RAD54L2: variants seen among roughly 807,000 people sequenced by gnomAD.
RAD54L2 encodes helicase ARIP4.
In RAD54L2, 27 loss-of-function variants were observed where a neutral mutation model predicts 138.4. The observed-to-expected ratio is 0.20, with a 90% CI of 0.14 to 0.27. RAD54L2 has a LOEUF of 0.27. Among genes scored for constraint, RAD54L2 ranks in the 10% least tolerant of loss-of-function variants. RAD54L2 has a pLI of 1.00. For missense variants in RAD54L2, 1,396 were observed against 1,890.2 expected (o/e 0.74, Z 4.85); for synonymous variants, 644 against 723.2 (o/e 0.89, Z 1.76).
chr3:51,626,436 C>CTTTTTTTTTTTTTTT lies in RAD54L2; in HGVS notation c.140-1105_140-1091dup, dbSNP rs768354274. On this transcript the variant is annotated intron_variant, in intron 3 of 22. Transcript: ENST00000684192. ...TGACATCCCCTGGACCCCCAACGAT[C>CTTTTTTTTTTTTTTT]TTTTTTTTTTTTTTTTTTTTTTTTT... 7.5e-3 allele frequency among the ~76,000 whole-genome samples: 294 copies of CTTTTTTTTTTTTTTT among 39,386 alleles called. 118 individuals carry two copies. Among genetic ancestry groups the CTTTTTTTTTTTTTTT allele is most frequent in the Admixed American group, 9.0e-3 (18 of 1,994 alleles). 25.8% of individuals were successfully genotyped at this position (39,386 alleles called of 152,430 possible). A position where few individuals can be genotyped will look rare whatever the true frequency, so the allele number is the denominator to read the frequency against.
At chr3:51,625,670 C>A (rs1700661102) in intron 3 of RAD54L2, among the ~76,000 whole-genome samples, 1 of 151,706 alleles carries the variant, frequency 6.6e-6, no homozygotes, top group African/African-American at 2.4e-5. Context: ...ACCAGCCTGG[C>A]CAACATATCG....
intron 2 of RAD54L2, among the ~76,000 whole-genome samples, chr3:51,582,766 C>CTTTTTT (rs61245532): frequency 2.0e-5 from 3 of 147,234 alleles, no homozygotes; most frequent in East Asian, 2.0e-4. Flanking sequence ...CCAGGGAAGT[C>CTTTTTT]TTTTTTTTTT....
intron 1 of RAD54L2, among the ~76,000 whole-genome samples, 32 bp downstream of exon 1, chr3:51,538,947 G>A (rs1011909776): frequency 1.1e-4 from 16 of 152,178 alleles, no homozygotes; most frequent in African/African-American, 3.6e-4. Context: ...CTCGCTCCCG[G>A]CCGGGGCCGC....
intron 12 of RAD54L2, 30 bp from the exon 13 acceptor site, chr3:51,639,389 G>A: frequency 1.9e-6 from 3 of 1,607,896 alleles, no homozygotes; most frequent in Non-Finnish European, 2.5e-6. Flanking sequence ...TTTTTGTCCT[G>A]TGTCTCCTCT....
At chr3:51,607,811 G>T (rs1396979466) in intron 3 of RAD54L2, among the ~76,000 whole-genome samples, 1 of 150,052 alleles carries the variant, frequency 6.7e-6, no homozygotes, top group Non-Finnish European at 1.5e-5. Context: ...GGGCAGAGGG[G>T]CTCCTCACCT....
intron 9 of RAD54L2, among the ~76,000 whole-genome samples, chr3:51,634,646 A>G (rs1021068273): frequency 1.3e-5 from 2 of 152,186 alleles, no homozygotes; most frequent in Non-Finnish European, 2.9e-5. Flanking sequence ...TTGGGATTAC[A>G]GGCGTAAGCC....
At chr3:51,585,919 T>C (rs977533548) in intron 2 of RAD54L2, among the ~76,000 whole-genome samples, 2 of 152,174 alleles carry the variant, frequency 1.3e-5, no homozygotes, top group African/African-American at 4.8e-5. Flanking sequence ...TTTCTGTGTA[T>C]TAGAGGCAGA....
chr3:51,660,630 G>GT (rs973411717), intron 22 of RAD54L2, among the ~76,000 whole-genome samples: 20 of 116,978 alleles, frequency 1.7e-4, no homozygotes, highest in South Asian at 5.5e-4. Flanking sequence ...TGTTTTTTTT[G>GT]TTTTTTTTTG....
In RAD54L2 at chr3:51,568,083, A is replaced by G. The variant is rs530430957; in HGVS notation, c.-54-22284A>G. On this transcript the variant is annotated intron_variant, in intron 2 of 22. Transcript: ENST00000684192. ...TTTAGTTAGTGGGAGAGATCATGAG[A>G]TTCTAGAAATGGAAGTGGCTGCGGT... Among the ~76,000 whole-genome samples the G allele has an allele frequency of 2.6e-5, 4 of 152,188 alleles. No homozygotes were observed. The South Asian group carries it at 8.3e-4, about 32-fold the overall frequency.
intron 3 of RAD54L2, among the ~76,000 whole-genome samples, chr3:51,594,860 CTTTTTTTTTTTTTTTTTT>C (rs71278623): frequency 6.0e-5 from 2 of 33,600 alleles, no homozygotes; most frequent in East Asian, 1.2e-3. Flanking sequence ...TTGATGGGCG[CTTTTTTTTTTTTTTTTTT>C]TTTTTTTTTT....
chr3:51,560,362 C>CTTTTTTTT (rs61485263), intron 2 of RAD54L2, among the ~76,000 whole-genome samples: 1 of 138,712 alleles, frequency 7.2e-6, no homozygotes, highest in African/African-American at 2.6e-5. Flanking sequence ...TCTTTTTTTT[C>CTTTTTTTT]TTTTTTTTTT....
chr3:51,561,658 C>T (rs1321147199), intron 2 of RAD54L2, among the ~76,000 whole-genome samples: 1 of 151,936 alleles, frequency 6.6e-6, no homozygotes, highest in African/African-American at 2.4e-5. Flanking sequence ...ACCTCCCAGG[C>T]TCAAGCAATC....
Position 51,607,531 on chromosome 3 carries a change from C to T in RAD54L2, c.139+16972C>T, listed in dbSNP as rs1027252041. 8.5e-5 allele frequency among the ~76,000 whole-genome samples: 13 copies of T among 152,254 alleles called. No individual in the cohort carries two copies. The South Asian group carries it at 1.4e-3, about 17-fold the overall frequency. On this transcript the variant is annotated intron_variant, in intron 3 of 22. Transcript: ENST00000684192. ...TTTCTACACAGACACAATAACAATC[C>T]GATCTTTCTTTCTTTTCCCCACATT...
At chr3:51,644,238 T>C (rs1241263454) in intron 16 of RAD54L2, among the ~76,000 whole-genome samples, 2 of 152,124 alleles carry the variant, frequency 1.3e-5, no homozygotes, top group Non-Finnish European at 2.9e-5. Context: ...GGTGGGAGGA[T>C]TGCTTGAACC....
intron 3 of RAD54L2, among the ~76,000 whole-genome samples, chr3:51,604,259 A>G (rs1700133330): frequency 6.6e-6 from 1 of 152,078 alleles, no homozygotes; most frequent in Non-Finnish European, 1.5e-5. Flanking sequence ...TGGTTTTGGA[A>G]TCCATCGTTT....
At chr3:51,554,811 C>T (rs374462321) in intron 2 of RAD54L2, among the ~76,000 whole-genome samples, 160 of 152,228 alleles carry the variant, frequency 1.1e-3, no homozygotes, top group South Asian at 3.5e-3. Context: ...TCCACCATCC[C>T]TTCTCTTAAC....
intron 7 of RAD54L2, among the ~76,000 whole-genome samples, chr3:51,631,723 C>T (rs1314396781): frequency 1.3e-5 from 2 of 151,968 alleles, no homozygotes; most frequent in South Asian, 2.1e-4. Context: ...CTGCAGCCTT[C>T]ACTCCCTGGG....
chr3:51,547,031 C>T (rs1698715956), intron 2 of RAD54L2, among the ~76,000 whole-genome samples: 1 of 151,152 alleles, frequency 6.6e-6, no homozygotes, highest in African/African-American at 2.4e-5. Flanking sequence ...TTGACTCTGT[C>T]TTTAAACAAA....
At chr3:51,562,327 G>A (rs765644585) in intron 2 of RAD54L2, among the ~76,000 whole-genome samples, 3 of 152,020 alleles carry the variant, frequency 2.0e-5, no homozygotes, top group African/African-American at 7.2e-5. Flanking sequence ...CACCTCCTGG[G>A]TTCAAGCAAT....
Sources: allele counts gnomAD v4.1 joint callset (sites outside exome capture counted in the v4.1 genomes callset), GRCh38; gene constraint gnomAD v4.1.1; transcripts MANE v1.5; gene names NCBI Gene and HGNC (gene_info 2026-07-23, HGNC 2026-07-21).